The following TLL2 variants were observed in gnomAD, a reference collection of about 807,000 sequenced individuals.
The protein encoded by TLL2 is tolloid like 2.
Under a neutral mutation model 123.0 loss-of-function variants are expected in TLL2, and 106 were observed. The observed-to-expected ratio is 0.86, with a 90% CI of 0.74 to 1.01. The LOEUF (loss-of-function observed/expected upper bound fraction) is 1.01. Among genes scored for constraint, TLL2 ranks in the 50% least tolerant of loss-of-function variants. The pLI is 0.00. For missense variants in TLL2, 1,332 were observed against 1,336.7 expected, an observed-to-expected ratio of 1.00 and a Z score of 0.06; for synonymous variants, 494 against 516.8, an observed-to-expected ratio of 0.96 and a Z score of 0.60.
intron 10 of TLL2, among the ~76,000 whole-genome samples, chr10:96,399,061 TG>T: frequency 6.6e-6 from 1 of 151,814 alleles, no homozygotes; most frequent in East Asian, 1.9e-4. Flanking sequence ...TTAGTAGAGA[TG>T]GGGTTTCACC....
At chr10:96,468,128 A>G (rs1445991455) in intron 2 of TLL2, among the ~76,000 whole-genome samples, 1 of 152,124 alleles carries the variant, frequency 6.6e-6, no homozygotes, top group Non-Finnish European at 1.5e-5. Context: ...TCCCTCATTC[A>G]TTCATTCTCT....
intron 5 of TLL2, among the ~76,000 whole-genome samples, chr10:96,427,838 A>G (rs1846693323): frequency 6.6e-6 from 1 of 152,130 alleles, no homozygotes; most frequent in Non-Finnish European, 1.5e-5. Context: ...CTTGTTGCCC[A>G]GGCTGGAGTG....
At chr10:96,439,943 A>AT (rs768886758) in intron 3 of TLL2, among the ~76,000 whole-genome samples, 7 of 152,166 alleles carry the variant, frequency 4.6e-5, no homozygotes, top group Non-Finnish European at 1.0e-4. Context: ...AAGAATCCAG[A>AT]TTTTCTAGTT....
At chr10:96,446,953 G>A (rs540979023) in intron 2 of TLL2, among the ~76,000 whole-genome samples, 1 of 152,202 alleles carries the variant, frequency 6.6e-6, no homozygotes, top group South Asian at 2.1e-4. Context: ...ACCATAAACC[G>A]CAGGTAAGTA....
chr10:96,505,873 C>A (rs1030376407), intron 1 of TLL2, among the ~76,000 whole-genome samples: 1 of 152,274 alleles, frequency 6.6e-6, no homozygotes, highest in Non-Finnish European at 1.5e-5. Context: ...GCCTGTTAAT[C>A]AGAGTTTCTA....
At chr10:96,410,599 A>G (rs995041963) in intron 8 of TLL2, 125 bp from the exon 9 acceptor site, 6 of 756,452 alleles carry the variant, frequency 7.9e-6, no homozygotes, top group Non-Finnish European at 1.2e-5. Context: ...CAGGTTGGTG[A>G]GAAGTGTAGC....
chr10:96,397,057 C>CA, intron 11 of TLL2, 129 bp downstream of exon 11: 1 of 743,930 alleles, frequency 1.3e-6, no homozygotes, highest in Non-Finnish European at 2.1e-6. Context: ...AGCTTGCCCC[C>CA]TGTGGTGGCT....
At chr10:96,487,834 C>T (rs887919486) in intron 1 of TLL2, among the ~76,000 whole-genome samples, 2 of 152,230 alleles carry the variant, frequency 1.3e-5, no homozygotes, top group African/African-American at 4.8e-5. Flanking sequence ...ACTCAACTTC[C>T]CAGATTGTGC....
intron 10 of TLL2, among the ~76,000 whole-genome samples, chr10:96,403,769 T>C (rs1288766109): frequency 1.6e-5 from 2 of 125,824 alleles, no homozygotes; most frequent in African/African-American, 5.1e-5. Flanking sequence ...GTCCCCTGCC[T>C]GCCCCTGGGA....
chr10:96,469,254 G>C (rs993166110), intron 2 of TLL2, among the ~76,000 whole-genome samples: 4 of 152,184 alleles, frequency 2.6e-5, no homozygotes, highest in African/African-American at 9.7e-5. Context: ...CTCTGACCTG[G>C]GCTCCGATAT....
At chr10:96,458,063 A>T (rs1378934487) in intron 2 of TLL2, among the ~76,000 whole-genome samples, 1 of 150,690 alleles carries the variant, frequency 6.6e-6, no homozygotes, top group Admixed American at 6.6e-5. Flanking sequence ...GGGTGGGAGG[A>T]TTGGTGGGGA....
At chr10:96,436,518 C>G (rs1846796335) in intron 3 of TLL2, among the ~76,000 whole-genome samples, 1 of 152,196 alleles carries the variant, frequency 6.6e-6, no homozygotes, top group East Asian at 1.9e-4. Context: ...GTCATTTTCT[C>G]TATCCTTAAT....
Position 96,513,780 on chromosome 10 carries a change from G to A in TLL2, c.-95C>T. 1 of 1,282,544 alleles carries A rather than the reference G, an allele frequency of 7.8e-7. No individual in the cohort carries two copies. Among genetic ancestry groups the A allele is most frequent in the South Asian group, 1.6e-5 (1 of 61,884 alleles). 79.4% of individuals were successfully genotyped at this position (1,282,544 alleles called of 1,614,324 possible). On this transcript the variant is annotated 5_prime_UTR_variant, in exon 1 of 21. Coordinates refer to ENST00000357947, the MANE Select transcript of TLL2 (RefSeq NM_012465.4). ...CACACTGGGTCGGTCGGCTCCGGCC[G>A]GGACTCGGTGGTTACACAGGGCTGC...
intron 7 of TLL2, among the ~76,000 whole-genome samples, chr10:96,414,995 A>G (rs1312880179): frequency 3.9e-5 from 6 of 152,104 alleles, no homozygotes; most frequent in Non-Finnish European, 7.4e-5. Context: ...CCCTCCCTGT[A>G]GACTCAGCCA....
chr10:96,443,888 A>G (rs1564908484), intron 3 of TLL2, among the ~76,000 whole-genome samples: 1 of 152,248 alleles, frequency 6.6e-6, no homozygotes, highest in Non-Finnish European at 1.5e-5. Flanking sequence ...ACATAGCCCA[A>G]ACAACAAGCT....
intron 15 of TLL2, 133 bp from the exon 16 acceptor site, chr10:96,384,900 A>C: frequency 1.2e-6 from 1 of 846,828 alleles, no homozygotes; most frequent in Non-Finnish European, 1.7e-6. Flanking sequence ...GACTCTTGCT[A>C]CGCCGGTTAT....
rs1455124312 is a variant in TLL2 at position 96,366,658 on chromosome 10, T to G, written c.*1430A>C. On this transcript the variant is annotated 3_prime_UTR_variant, in exon 21 of 21. Coordinates refer to ENST00000357947, the MANE Select transcript of TLL2 (RefSeq NM_012465.4). ...ACATATACTTTGTTTAAAATGATGC[T>G]GATTCATCCCAAAGGAATTCCGGTG... is the stretch of plus-strand genomic sequence containing the variant. 3.3e-5 allele frequency: 5 copies of G among 152,514 alleles called. No individual in the cohort carries two copies. The highest frequency in any genetic ancestry group is 4.8e-5 in the African/African-American group (2 of 41,478). The allele number at this position is 152,514 out of a possible 1,614,324, so 9.4% of individuals were successfully genotyped here.
chr10:96,495,934 GTT>G (rs1286322447), intron 1 of TLL2, among the ~76,000 whole-genome samples: 1 of 152,180 alleles, frequency 6.6e-6, no homozygotes, highest in Non-Finnish European at 1.5e-5. Flanking sequence ...TTTGGTGCAA[GTT>G]TTACATTGAA....
rs1042524540 is a variant in TLL2, at chr10:96,395,987, C to T, written c.1418G>A (p.Gly473Asp). The T allele has an allele frequency of 1.9e-6, 3 of 1,614,048 alleles. No homozygotes were observed. The highest frequency in any genetic ancestry group is 1.1e-5 in the South Asian group (1 of 91,076). Residue 473 changes from glycine to aspartate, a missense_variant, in exon 12 of 21, where the codon GGT becomes GAT. Transcript: ENST00000357947. Reference protein sequence around the residue: ...TCGGDMNKDAGQIQSPNYPDD... With the variant: ...TCGGDMNKDADQIQSPNYPDD... ...CGGATAGTTGGGAGATTGAATCTGA[C>T]CGGCATCTTTGTTCATGTCTCCCCC...
Sources: allele counts gnomAD v4.1 joint callset (sites outside exome capture counted in the v4.1 genomes callset), GRCh38; gene constraint gnomAD v4.1.1; transcripts MANE v1.5; gene names NCBI Gene and HGNC (gene_info 2026-07-23, HGNC 2026-07-21).